RTP2: variants seen among roughly 807,000 people sequenced by gnomAD.
RTP2 encodes the protein receptor transporter protein 2, also known as receptor-transporting protein 2.
A neutral mutation model predicts 17.9 loss-of-function variants in RTP2; 12 were observed. That is an observed-to-expected ratio of 0.67 (90% confidence interval 0.43 to 1.09). The LOEUF (loss-of-function observed/expected upper bound fraction) is 1.09, where lower values mean the gene tolerates loss of function less well. Ranked by LOEUF, RTP2 falls within the 50% of genes least tolerant of loss-of-function variation. The pLI is 0.00. For synonymous variants in RTP2, 126 were observed against 117.7 expected (o/e 1.07, Z -0.46); for missense variants, 327 against 295.7 (o/e 1.11, Z -0.78).
the RTP2 span, among the ~76,000 whole-genome samples, chr3:187,714,067 G>T: frequency 6.6e-6 from 1 of 152,164 alleles, no homozygotes; most frequent in African/African-American, 2.4e-5. Context: ...GTGTTCTTAG[G>T]CTCTCCTCTC....
exon 2 of RTP2, chr3:187,698,459 T>G: frequency 3.2e-6 from 5 of 1,544,754 alleles, no homozygotes; most frequent in Non-Finnish European, 4.4e-6. Context: ...CTCCCCACTC[T>G]CAAGCCCATG....
exon 2 of RTP2, chr3:187,698,910 A>G: frequency 6.2e-7 from 1 of 1,610,692 alleles, no homozygotes. Context: ...GAAGACGCGC[A>G]TGCGCACCGA....
upstream of RTP2, among the ~76,000 whole-genome samples, chr3:187,703,393 C>A (rs11708364): frequency 6.6e-6 from 1 of 151,978 alleles, no homozygotes; most frequent in Non-Finnish European, 1.5e-5. Flanking sequence ...TCACTGGATT[C>A]TCTCTTGAAA....
At chr3:187,698,409 A>G (rs1339531047) in exon 2 of RTP2, 3 of 1,191,594 alleles carry the variant, frequency 2.5e-6, no homozygotes, top group Non-Finnish European at 3.5e-6. Flanking sequence ...TTGTCCAGTC[A>G]TATGTTGAAT....
exon 1 of RTP2, chr3:187,702,553 C>T (rs1336648856): frequency 2.2e-6 from 1 of 457,550 alleles, no homozygotes; most frequent in Non-Finnish European, 4.4e-6. Flanking sequence ...AGTACGACAC[C>T]CTAGGAAGTC....
the RTP2 span, among the ~76,000 whole-genome samples, chr3:187,714,514 A>G: frequency 6.6e-6 from 1 of 152,232 alleles, no homozygotes; most frequent in Non-Finnish European, 1.5e-5. Context: ...CACTGGCCCC[A>G]TTTATACCTT....
Position 187,702,143 on chromosome 3 carries a change from A to T in RTP2, c.-15T>A, listed in dbSNP as rs1016288796. On this transcript the variant is annotated 5_prime_UTR_variant, in exon 1 of 2. Coordinates refer to ENST00000358241, the Ensembl canonical transcript of RTP2. ...CTGGTACACATGGTCCTGCTGGCAG[A>T]GGTGGCAGTTCGAGCTCAGCCCTGG... is the stretch of plus-strand genomic sequence containing the variant. 1.9e-6 allele frequency: 3 copies of T among 1,588,448 alleles called. No individual in the cohort carries two copies. In the Admixed American group the frequency reaches 5.1e-5, roughly 27 times the overall value.
In RTP2 at chr3:187,701,993, GC is replaced by G. The variant is rs1359724716; in HGVS notation, c.135del (p.Lys45AsnfsTer132). 3 of 1,610,018 alleles carry G rather than the reference GC, an allele frequency of 1.9e-6. No homozygotes were observed. Among genetic ancestry groups the G allele is most frequent in the Non-Finnish European group, 2.5e-6 (3 of 1,177,498 alleles). ...CCTGAGGCGTGCTGCTCCAGGTACTGCTTCCAGCCAGGGGCCAGCTCACTGG... is the reference window on the plus strand; with the variant it reads ...CCTGAGGCGTGCTGCTCCAGGTACTGTTCCAGCCAGGGGCCAGCTCACTGG... On this transcript the variant is annotated frameshift_variant, in exon 1 of 2. Transcript: ENST00000358241. LOFTEE classifies it high-confidence loss of function.
At chr3:187,702,627 A>G, upstream of RTP2, 1 of 455,588 alleles carries the variant, frequency 2.2e-6, no homozygotes, top group Non-Finnish European at 4.4e-6. Flanking sequence ...ATATGCTGTG[A>G]CCATCACTTA....
At chr3:187,705,533 A>AT (rs1300996116), upstream of RTP2, among the ~76,000 whole-genome samples, 1 of 152,224 alleles carries the variant, frequency 6.6e-6, no homozygotes, top group Non-Finnish European at 1.5e-5. Flanking sequence ...CCAGTAGAAC[A>AT]TTTGTAGTTC....
intron 1 of RTP2, 56 bp downstream of exon 1, chr3:187,701,909 C>A: frequency 1.4e-6 from 2 of 1,479,056 alleles, no homozygotes; most frequent in Non-Finnish European, 1.8e-6. Context: ...TGGAAAGTAC[C>A]CCACAGCTGT....
upstream of RTP2, among the ~76,000 whole-genome samples, chr3:187,705,874 C>G (rs1717979285): frequency 6.6e-6 from 1 of 152,150 alleles, no homozygotes. Flanking sequence ...ACTGACTTTA[C>G]CCTTTTTCTT....
chr3:187,700,596 G>A (rs954199645), intron 1 of RTP2, among the ~76,000 whole-genome samples: 1 of 152,184 alleles, frequency 6.6e-6, no homozygotes, highest in Non-Finnish European at 1.5e-5. Context: ...TATGTTTTCA[G>A]TCTCCTTCTA....
At chr3:187,706,656 G>A (rs1264301461), upstream of RTP2, among the ~76,000 whole-genome samples, 6 of 152,120 alleles carry the variant, frequency 3.9e-5, no homozygotes, top group East Asian at 9.6e-4. Context: ...AAGTTGGAGT[G>A]CAATGGCGTG....
At chr3:187,703,193 T>C (rs1229948016), upstream of RTP2, among the ~76,000 whole-genome samples, 2 of 152,248 alleles carry the variant, frequency 1.3e-5, no homozygotes, top group Non-Finnish European at 2.9e-5. Flanking sequence ...ATATGGCTGC[T>C]TACCCTAGCT....
In RTP2 at chr3:187,702,238, G is replaced by T; in HGVS notation, c.-110C>A. The T allele has an allele frequency of 8.9e-7, 1 of 1,120,860 alleles. No individual in the cohort carries two copies. Among genetic ancestry groups the T allele is most frequent in the Non-Finnish European group, 1.3e-6 (1 of 772,740 alleles). The allele number at this position is 1,120,860 out of a possible 1,614,324, so 69.4% of individuals were successfully genotyped here. A position where few individuals can be genotyped will look rare whatever the true frequency, so the allele number is the denominator to read the frequency against. ...TCTACGGTCAGAATCCTCATCGGCA[G>T]GACTGGGAGTAAACAGGACCCAGCT... is the stretch of plus-strand genomic sequence containing the variant. On this transcript the variant is annotated 5_prime_UTR_variant, in exon 1 of 2. The change creates a new upstream start codon in the 5' untranslated region. Transcript: ENST00000358241.
chr3:187,699,780 CACAT>C (rs1553830577), intron 1 of RTP2, among the ~76,000 whole-genome samples: 2,484 of 17,956 alleles, frequency 0.14, 29 homozygotes, highest in Admixed American at 0.19. Context: ...CACACACACA[CACAT>C]ATATTTTCTC....
intron 1 of RTP2, among the ~76,000 whole-genome samples, chr3:187,699,316 T>C (rs540726312): frequency 6.6e-6 from 1 of 152,282 alleles, no homozygotes; most frequent in East Asian, 1.9e-4. Flanking sequence ...AGGTTGCACC[T>C]GGGCGCTGTG....
At chr3:187,701,616 C>G (rs1381585497) in intron 1 of RTP2, among the ~76,000 whole-genome samples, 1 of 152,182 alleles carries the variant, frequency 6.6e-6, no homozygotes, top group African/African-American at 2.4e-5. Flanking sequence ...CCCCCAACTC[C>G]TAGATTAAAA....
Sources: gnomAD v4.1 joint callset for allele counts (sites outside exome capture counted in the v4.1 genomes callset) on GRCh38, gnomAD v4.1.1 for gene constraint, MANE v1.5 for transcripts, NCBI Gene and HGNC (gene_info 2026-07-23, HGNC 2026-07-21) for gene names.